The following GRIP2 variants were observed in gnomAD, a reference collection of about 807,000 sequenced individuals.
GRIP2 encodes glutamate receptor interacting protein 2, also known as glutamate receptor-interacting protein 2.
GRIP2 carries 58 observed loss-of-function variants against 108.3 expected under a neutral mutation model. The ratio of observed to expected loss-of-function variants is 0.54; its 90% CI spans 0.43 to 0.67. The LOEUF (loss-of-function observed/expected upper bound fraction) is 0.67. GRIP2 is among the 30% of genes least tolerant of loss of function. GRIP2 has a pLI of 0.00. For synonymous variants in GRIP2, 586 were observed against 598.2 expected (o/e 0.98, Z 0.30); for missense variants, 1,278 against 1,430.6 (o/e 0.89, Z 1.72).
chr3:14,597,166 C>T, the GRIP2 span, among the ~76,000 whole-genome samples: 1 of 152,300 alleles, frequency 6.6e-6, no homozygotes, highest in South Asian at 2.1e-4. Flanking sequence ...GCATTAAAGC[C>T]TGAGACCTTA....
chr3:14,539,990 C>T (rs1694923270), intron 1 of GRIP2, among the ~76,000 whole-genome samples: 1 of 152,160 alleles, frequency 6.6e-6, no homozygotes, highest in Admixed American at 6.5e-5. Context: ...CTTCCCCCTA[C>T]AAGGCTGAGC....
chr3:14,548,285 G>A (rs189620936), intron 1 of GRIP2, among the ~76,000 whole-genome samples: 185 of 152,280 alleles, frequency 1.2e-3, no homozygotes, highest in African/African-American at 4.2e-3. Context: ...AGAGGTCACC[G>A]AATCGGGGCA....
chr3:14,554,654 C>T (rs1408972797), intron 1 of GRIP2, among the ~76,000 whole-genome samples: 1 of 151,968 alleles, frequency 6.6e-6, no homozygotes. Context: ...CGGACACCCA[C>T]CCCCATCCCC....
At chr3:14,542,418 A>G (rs1267415500), upstream of GRIP2, among the ~76,000 whole-genome samples, 1 of 152,152 alleles carries the variant, frequency 6.6e-6, no homozygotes, top group Non-Finnish European at 1.5e-5. Flanking sequence ...TTTGCTCTCC[A>G]TACAGGTGCA....
Position 14,493,727 on chromosome 3 carries a change from G to GC in GRIP2, c.3069dup (p.His1024AlafsTer30). 1 of 1,608,212 alleles carries GC rather than the reference G, an allele frequency of 6.2e-7. No individual in the cohort carries two copies. Among genetic ancestry groups the GC allele is most frequent in the South Asian group, 1.1e-5 (1 of 90,352 alleles). ...GGGGCCCGGCTGCTGTGTGCCGTGT[G>GC]CGGCTTGCGGCTGATGATCAGCTCC... On this transcript the variant is annotated frameshift_variant, in exon 24 of 24. Coordinates refer to ENST00000621039, the MANE Select transcript of GRIP2 (RefSeq NM_001080423.4). LOFTEE classifies it high-confidence loss of function.
At chr3:14,569,944 G>A in the GRIP2 span, among the ~76,000 whole-genome samples, 140 of 152,182 alleles carry the variant, frequency 9.2e-4, no homozygotes, top group African/African-American at 3.2e-3. Context: ...ACCTTTGCAC[G>A]AGGACTATAA....
chr3:14,512,022 G>A lies in GRIP2; in HGVS notation c.1721-543C>T, dbSNP rs144652570. On this transcript the variant is annotated intron_variant, in intron 14 of 23. Transcript: ENST00000621039. This position sits in a 1 kb window ranked among gnomAD's most constrained non-coding sequence, Gnocchi z 5.1. ...TGAGCTGTGGAGAAACCTGAGAAACGGGCTTGTGTCGAGGGCGGTAAATGT... is the reference window on the plus strand; with the variant it reads ...TGAGCTGTGGAGAAACCTGAGAAACAGGCTTGTGTCGAGGGCGGTAAATGT... Among the ~76,000 whole-genome samples the A allele has an allele frequency of 3.3e-5, 5 of 152,360 alleles. No homozygotes were observed. In the East Asian group the frequency reaches 7.7e-4, roughly 24 times the overall value.
chr3:14,553,958 C>T (rs903182921), intron 1 of GRIP2, among the ~76,000 whole-genome samples: 1 of 152,104 alleles, frequency 6.6e-6, no homozygotes, highest in Non-Finnish European at 1.5e-5. Context: ...CAGGTTGAGC[C>T]CTCCTTTTTC....
At chr3:14,494,817 C>A (rs767229529) in intron 23 of GRIP2, 26 bp downstream of exon 23, 2 of 1,602,964 alleles carry the variant, frequency 1.2e-6, no homozygotes, top group Non-Finnish European at 8.5e-7. Context: ...GCCACCCCCA[C>A]TATGGAGCCC....
intron 20 of GRIP2, 175 bp from the exon 21 acceptor site, chr3:14,503,846 T>C (rs1009705549): frequency 3.3e-6 from 2 of 598,342 alleles, no homozygotes; most frequent in Admixed American, 3.0e-5. Flanking sequence ...GGGCAGTGGT[T>C]GGTGACACGG....
At chr3:14,535,026 G>C (rs1006658550) in intron 1 of GRIP2, among the ~76,000 whole-genome samples, 31 of 152,074 alleles carry the variant, frequency 2.0e-4, no homozygotes, top group African/African-American at 7.0e-4. Context: ...TCTCAAAAGG[G>C]ACCACTGAGA....
In GRIP2 at chr3:14,505,786, G is replaced by C. The variant is rs751769776; in HGVS notation, c.2402C>G (p.Ser801Cys). ...ATEGGFGGPGSYTPQAAARGT... is the reference protein window; with the variant it reads ...ATEGGFGGPGCYTPQAAARGT... ...CCGGGCTGCTGCCTGTGGTGTATAG[G>C]ACCCTGGTGGTGGAGAGAGGGCCTC... Residue 801 changes from serine (S) to cysteine (C), a missense_variant, in exon 20 of 24, where the codon TCC becomes TGC. By Grantham distance (112) the Ser-to-Cys change is moderately radical. Transcript: ENST00000621039. This position sits in a 1 kb window ranked among gnomAD's most constrained non-coding sequence, Gnocchi z 4.2. 1.3e-6 allele frequency: 2 copies of C among 1,524,534 alleles called. No homozygotes were observed. The highest frequency in any genetic ancestry group is 1.8e-6 in the Non-Finnish European group (2 of 1,137,786). 94.4% of individuals were successfully genotyped at this position (1,524,534 alleles called of 1,614,324 possible).
the GRIP2 span, among the ~76,000 whole-genome samples, chr3:14,582,181 T>C: frequency 6.6e-6 from 1 of 152,218 alleles, no homozygotes; most frequent in African/African-American, 2.4e-5. Flanking sequence ...ACACTTGGCA[T>C]TGTCAAAGTT....
At position 14,554,583 on chromosome 3, in the gene GRIP2, G is replaced by A. The variant is rs74343564; in HGVS notation, c.55+1317C>T. Among the ~76,000 whole-genome samples, 276 of 152,226 alleles carry A rather than the reference G, an allele frequency of 1.8e-3. 11 individuals carry two copies. The East Asian group carries it at 0.034, about 19-fold the overall frequency. On this transcript the variant is annotated intron_variant, in intron 1 of 23. Transcript: ENST00000637182. The stretch of plus-strand genomic sequence containing the variant: ...TGGACCAGGCTTCCAGGGACCTCTA[G>A]GATGTCAGGCCACCAGCTGCCCTGA...
chr3:14,541,090 C>T (rs1322176897), upstream of GRIP2, among the ~76,000 whole-genome samples: 1 of 152,260 alleles, frequency 6.6e-6, no homozygotes, highest in Admixed American at 6.5e-5. Flanking sequence ...CCCAGCTGGG[C>T]CTTAGCCTTG....
intron 11 of GRIP2, among the ~76,000 whole-genome samples, chr3:14,516,381 G>A (rs1694248117): frequency 6.6e-6 from 1 of 152,166 alleles, no homozygotes; most frequent in South Asian, 2.1e-4. Context: ...AGCTCATGTG[G>A]CAGGAGGCTG....
chr3:14,573,131 C>T, the GRIP2 span: 13 of 1,433,896 alleles, frequency 9.1e-6, no homozygotes, highest in East Asian at 2.7e-4. Context: ...AGGGCAGCAG[C>T]CCAAAGGTGC....
At chr3:14,536,141 A>G (rs548425721) in intron 1 of GRIP2, among the ~76,000 whole-genome samples, 2 of 152,368 alleles carry the variant, frequency 1.3e-5, no homozygotes, top group East Asian at 3.9e-4. Flanking sequence ...ATTTGTTGCC[A>G]AGGATTGCAA....
At chr3:14,506,496 G>A (rs1212219231) in intron 19 of GRIP2, among the ~76,000 whole-genome samples, 2 of 152,226 alleles carry the variant, frequency 1.3e-5, no homozygotes, top group African/African-American at 4.8e-5. Context: ...GGCTAGGAAG[G>A]AAGGCTACAG....
Sources: allele counts gnomAD v4.1 joint callset (sites outside exome capture counted in the v4.1 genomes callset), GRCh38; gene constraint gnomAD v4.1.1; non-coding constraint Gnocchi (gnomAD v3.1); transcripts MANE v1.5; gene names NCBI Gene and HGNC (gene_info 2026-07-23, HGNC 2026-07-21).